Variants in SLITRK4 observed in about 807,000 individuals in gnomAD.
SLITRK4 encodes the protein SLIT and NTRK-like protein 4.
Under a neutral mutation model 34.7 loss-of-function variants are expected in SLITRK4, and 7 were observed. The observed-to-expected ratio is 0.20, with a 90% CI of 0.11 to 0.38. SLITRK4 has a LOEUF of 0.38. SLITRK4 is among the 10% of genes least tolerant of loss of function. The pLI is 1.00. For synonymous variants in SLITRK4, 237 were observed against 246.2 expected (o/e 0.96, Z 0.35); for missense variants, 474 against 607.0 (o/e 0.78, Z 2.30).
intron 1 of SLITRK4, 139 bp downstream of exon 1, chrX:143,635,596 G>A (rs1388672912): frequency 1.8e-5 from 2 of 110,307 alleles, no homozygotes; most frequent in East Asian, 2.9e-4. Context: ...AGAGCCTGGG[G>A]GAGGGGGGCC....
In SLITRK4 at chrX:143,630,296, G is replaced by A. The variant is rs782384297; in HGVS notation, c.813C>T (p.Asp271=). 15 of 1,211,918 alleles carry A rather than the reference G, an allele frequency of 1.2e-5. 1 individual carries two copies. The highest frequency in any genetic ancestry group is 1.0e-4 in the African/African-American group (6 of 57,831). ...GCTGAGATGGAGGCAGGATGCGCACGTCAAAATCACTGCCGGTGCCCATGG... is the reference window on the plus strand; with the variant it reads ...GCTGAGATGGAGGCAGGATGCGCACATCAAAATCACTGCCGGTGCCCATGG... ...LCPMGTGSDF[D]VRILPPSQLE... The change falls in exon 2 of 2, where the codon GAC becomes GAT. Residue 271 remains aspartate (D), a synonymous_variant. Coordinates refer to ENST00000356928, the MANE Select transcript of SLITRK4 (RefSeq NM_001184749.3).
intron 1 of SLITRK4, among the ~76,000 whole-genome samples, chrX:143,633,698 G>C (rs1156658919): frequency 8.9e-6 from 1 of 111,753 alleles, no homozygotes; most frequent in Non-Finnish European, 1.9e-5. Flanking sequence ...GGCTCCCCGA[G>C]AGCTCCCTCG....
At chrX:143,635,617 G>C (rs193014036) in intron 1 of SLITRK4, 118 bp downstream of exon 1, 42 of 109,984 alleles carry the variant, frequency 3.8e-4, no homozygotes, top group African/African-American at 1.4e-3. Flanking sequence ...GAGGGAGATC[G>C]ATAGGGTCGT....
At position 143,636,064 on chromosome X, in the gene SLITRK4, G is replaced by A. The variant is rs797025401; in HGVS notation, c.-380C>T. 9.9e-6 allele frequency among the ~76,000 whole-genome samples: 1 copy of A among 100,999 alleles called. No homozygotes were observed. The highest frequency in any genetic ancestry group is 3.2e-4 in the East Asian group (1 of 3,082). The allele number at this position is 100,999 out of a possible 115,157, so 87.7% of individuals were successfully genotyped here. ...GGATAGGGGATAGGGGTTGAGGAAAGAGAGGCGTGGGACTGGGAGAGATGC... is the reference window on the plus strand; with the variant it reads ...GGATAGGGGATAGGGGTTGAGGAAAAAGAGGCGTGGGACTGGGAGAGATGC... On this transcript the variant is annotated 5_prime_UTR_variant, in exon 1 of 2. Transcript: ENST00000356928.
At chrX:143,631,969 C>A (rs1159437926) in intron 1 of SLITRK4, among the ~76,000 whole-genome samples, 3 of 112,064 alleles carry the variant, frequency 2.7e-5, no homozygotes, top group African/African-American at 9.7e-5. Flanking sequence ...GAGTAACCTG[C>A]TTACTCCTGC....
rs782813393 is a variant in SLITRK4, at chrX:143,631,974, T to A, written c.-50-816A>T. Among the ~76,000 whole-genome samples the A allele has an allele frequency of 5.3e-5, 6 of 112,280 alleles. No individual in the cohort carries two copies. The South Asian group carries it at 2.2e-3, about 41-fold the overall frequency. On this transcript the variant is annotated intron_variant, in intron 1 of 1. Transcript: ENST00000356928. ...GAAAGCAGCAGAGTAACCTGCTTAC[T>A]CCTGCATTGCTTAGCTAATCTCCAG...
Position 143,623,639 on chromosome X carries a change from T to C in SLITRK4, c.*4956A>G, listed in dbSNP as rs1556424987. 9.0e-6 allele frequency: 1 copy of C among 111,436 alleles called. No individual in the cohort carries two copies. The highest frequency in any genetic ancestry group is 1.9e-5 in the Non-Finnish European group (1 of 52,908). 9.2% of individuals were successfully genotyped at this position (111,436 alleles called of 1,213,427 possible). ...TAAGGGCAGTTTTGTACAAAGTAAGTTATTAAAATTCATTTGAGTTCCCAT... is the reference window on the plus strand; with the variant it reads ...TAAGGGCAGTTTTGTACAAAGTAAGCTATTAAAATTCATTTGAGTTCCCAT... On this transcript the variant is annotated 3_prime_UTR_variant, in exon 2 of 2. Coordinates refer to ENST00000356928, the MANE Select transcript of SLITRK4 (RefSeq NM_001184749.3).
chrX:143,629,628 G>C lies in SLITRK4; in HGVS notation c.1481C>G (p.Ser494Cys). 2.5e-6 allele frequency: 3 copies of C among 1,211,642 alleles called. No homozygotes were observed. Among genetic ancestry groups the C allele is most frequent in the Non-Finnish European group, 3.3e-6 (3 of 895,546 alleles). ...GTTCAGTCTAGCTAAGGGTGCTCCG[G>C]AAAAGATGTAAACAGGCAGGCTCTT... ...LLKSLPVYIF[S>C]GAPLARLNLR... Residue 494 changes from serine (S) to cysteine (C), a missense_variant, in exon 2 of 2, where the codon TCC becomes TGC. Physicochemically the swap from Ser to Cys is moderately radical, Grantham distance 112 (BLOSUM62 -1). Coordinates refer to ENST00000356928, the MANE Select transcript of SLITRK4 (RefSeq NM_001184749.3).
At position 143,626,631 on chromosome X, in the gene SLITRK4, C is replaced by G. The variant is rs1202576764; in HGVS notation, c.*1964G>C. 1 of 107,980 alleles carries G rather than the reference C, an allele frequency of 9.3e-6. No individual in the cohort carries two copies. The highest frequency in any genetic ancestry group is 3.4e-5 in the African/African-American group (1 of 29,719). The allele number at this position is 107,980 out of a possible 1,213,427, so 8.9% of individuals were successfully genotyped here. A position where few individuals can be genotyped will look rare whatever the true frequency, so the allele number is the denominator to read the frequency against. On this transcript the variant is annotated 3_prime_UTR_variant, in exon 2 of 2. Transcript: ENST00000356928. ...CTGAAATTAGTGATTAATAAAGGAA[C>G]AGCTACTGCAACTATAAACATAGTA... is the stretch of plus-strand genomic sequence containing the variant.
Position 143,632,952 on chromosome X carries a change from C to T in SLITRK4, c.-50-1794G>A, listed in dbSNP as rs187220894. On this transcript the variant is annotated intron_variant, in intron 1 of 1. Coordinates refer to ENST00000356928, the MANE Select transcript of SLITRK4 (RefSeq NM_001184749.3). The stretch of plus-strand genomic sequence containing the variant: ...TTCTTGTTACTAAACCACCACCCCA[C>T]CCACCTCAAAACAAAGAAACCCAAA... Among the ~76,000 whole-genome samples the T allele has an allele frequency of 5.1e-3, 567 of 110,527 alleles. 1 individual carries two copies. The highest frequency in any genetic ancestry group is 8.8e-3 in the Non-Finnish European group (468 of 52,939).
At position 143,625,364 on chromosome X, in the gene SLITRK4, G is replaced by T. The variant is rs1930752338; in HGVS notation, c.*3231C>A. The T allele has an allele frequency of 1.8e-5, 2 of 111,175 alleles. No individual in the cohort carries two copies. The highest frequency in any genetic ancestry group is 6.5e-5 in the African/African-American group (2 of 30,742). The allele number at this position is 111,175 out of a possible 1,213,427, so 9.2% of individuals were successfully genotyped here. On this transcript the variant is annotated 3_prime_UTR_variant, in exon 2 of 2. Transcript: ENST00000356928. ...AATTACACAAAGTCTTACTTTTAAA[G>T]AATTGAATCATCTTTATTGATTTCA...
chrX:143,635,884 G>A lies in SLITRK4; in HGVS notation c.-200C>T, dbSNP rs1181738424. ...ACCTGTCTGCGCGTAAGGGGCCAGGGGCTTTAAGGCGAAAGTGTGAGGCTT... is the reference window on the plus strand; with the variant it reads ...ACCTGTCTGCGCGTAAGGGGCCAGGAGCTTTAAGGCGAAAGTGTGAGGCTT... On this transcript the variant is annotated 5_prime_UTR_variant, in exon 1 of 2. Coordinates refer to ENST00000356928, the MANE Select transcript of SLITRK4 (RefSeq NM_001184749.3). The A allele has an allele frequency of 1.8e-5, 2 of 109,841 alleles. No homozygotes were observed. The highest frequency in any genetic ancestry group is 3.8e-5 in the Non-Finnish European group (2 of 52,739). The allele number at this position is 109,841 out of a possible 1,213,427, so 9.1% of individuals were successfully genotyped here.
rs945683872 is a variant in SLITRK4, at chrX:143,624,113, A to G, written c.*4482T>C. On this transcript the variant is annotated 3_prime_UTR_variant, in exon 2 of 2. Transcript: ENST00000356928. ...TCTGTGTTTACTTTTCTTACCATAA[A>G]TATATGAACCTTAAACCCACTGTAT... 39 of 111,627 alleles carry G rather than the reference A, an allele frequency of 3.5e-4. No individual in the cohort carries two copies. The highest frequency in any genetic ancestry group is 1.2e-3 in the African/African-American group (37 of 30,850). 9.2% of individuals were successfully genotyped at this position (111,627 alleles called of 1,213,427 possible). A position where few individuals can be genotyped will look rare whatever the true frequency, so the allele number is the denominator to read the frequency against.
chrX:143,629,501 A>C lies in SLITRK4; in HGVS notation c.1608T>G (p.Thr536=). The C allele has an allele frequency of 8.3e-7, 1 of 1,211,746 alleles. No homozygotes were observed. Among genetic ancestry groups the C allele is most frequent in the Non-Finnish European group, 1.1e-6 (1 of 895,562 alleles). ...ACAGCTTTAATGCCACCAAGTCACA[A>C]GTACAGTCCCATGGGTTGCCCTCCA... ...IDLEGNPWDC[T]CDLVALKLWV... The change falls in exon 2 of 2, where the codon ACT becomes ACG. Residue 536 remains threonine (T), a synonymous_variant. Transcript: ENST00000356928.
At chrX:143,631,814 C>T (rs148239011) in intron 1 of SLITRK4, among the ~76,000 whole-genome samples, 48 of 111,134 alleles carry the variant, frequency 4.3e-4, no homozygotes, top group Admixed American at 6.7e-4. Flanking sequence ...AAGACACAGA[C>T]GACGCTGTGC....
chrX:143,635,481 AACACACAC>A (rs782006427), intron 1 of SLITRK4, among the ~76,000 whole-genome samples: 2,655 of 55,208 alleles, frequency 0.048, 65 homozygotes, highest in East Asian at 0.19. Context: ...ATAACGAAGG[AACACACAC>A]ACACACACAC....
In SLITRK4 at chrX:143,629,626, C is replaced by T. The variant is rs782772067; in HGVS notation, c.1483G>A (p.Gly495Arg). The T allele has an allele frequency of 1.7e-5, 21 of 1,209,287 alleles. No homozygotes were observed. The highest frequency in any genetic ancestry group is 1.4e-4 in the South Asian group (8 of 56,725). The change falls in exon 2 of 2, where the codon GGA becomes AGA. Residue 495 changes from glycine (G) to arginine (R), a missense_variant. By Grantham distance (125) the Gly-to-Arg change is moderately radical. Transcript: ENST00000356928. ...AGGTTCAGTCTAGCTAAGGGTGCTC[C>T]GGAAAAGATGTAAACAGGCAGGCTC... ...LKSLPVYIFS[G>R]APLARLNLRN...
chrX:143,632,299 A>AAAG (rs2124332971), intron 1 of SLITRK4, among the ~76,000 whole-genome samples: 1 of 111,581 alleles, frequency 9.0e-6, no homozygotes, highest in East Asian at 2.8e-4. Flanking sequence ...GTAAACGCAT[A>AAAG]AAGAATCACT....
rs2124324387 is a variant in SLITRK4 at position 143,628,742 on chromosome X, T to A, written c.2367A>T (p.Lys789Asn). ...IRYPEKQPDKKSKKSLIGGNH... is the reference protein window; with the variant it reads ...IRYPEKQPDKNSKKSLIGGNH... ...TGCCACCTATCAGTGACTTCTTACT[T>A]TTTTTGTCTGGTTGTTTTTCTGGAT... The change falls in exon 2 of 2, where the codon AAA becomes AAT. Residue 789 changes from lysine (K) to asparagine (N), a missense_variant. Coordinates refer to ENST00000356928, the MANE Select transcript of SLITRK4 (RefSeq NM_001184749.3). 8.3e-7 allele frequency: 1 copy of A among 1,211,464 alleles called. No homozygotes were observed. Among genetic ancestry groups the A allele is most frequent in the East Asian group, 3.0e-5 (1 of 33,816 alleles).
Sources: allele counts gnomAD v4.1 joint callset (sites outside exome capture counted in the v4.1 genomes callset), GRCh38; gene constraint gnomAD v4.1.1; transcripts MANE v1.5; gene names NCBI Gene and HGNC (gene_info 2026-07-23, HGNC 2026-07-21).